Variants in COL23A1 observed in about 807,000 individuals in gnomAD.
COL23A1 encodes collagen type XXIII alpha 1 chain, also known as collagen alpha-1(XXIII) chain.
A neutral mutation model predicts 99.3 loss-of-function variants in COL23A1; 97 were observed. That is an observed-to-expected ratio of 0.98 (90% confidence interval 0.83 to 1.16). The LOEUF is 1.16. COL23A1 is among the 50% of genes most tolerant of loss of function. The pLI is 0.00. For synonymous variants in COL23A1, 320 were observed against 308.2 expected, an observed-to-expected ratio of 1.04 and a Z score of -0.40; for missense variants, 762 against 757.4, an observed-to-expected ratio of 1.01 and a Z score of -0.07.
intron 2 of COL23A1, among the ~76,000 whole-genome samples, chr5:178,483,637 G>C (rs1170929039): frequency 6.6e-6 from 1 of 152,212 alleles, no homozygotes; most frequent in Non-Finnish European, 1.5e-5. Context: ...GGCATGTTCA[G>C]AAAAGCTTCA....
rs972570028 is a variant in COL23A1 at position 178,468,473 on chromosome 5, G to GA, written c.361+92208_361+92209insT. ...GTCTCCTGTGGGCTAGACACTGCCT[G>GA]CAGGGCACGAGATGATTATTTCGTT... is the stretch of plus-strand genomic sequence containing the variant. On this transcript the variant is annotated intron_variant, in intron 2 of 28. Coordinates refer to ENST00000390654, the MANE Select transcript of COL23A1 (RefSeq NM_173465.4). The surrounding 1 kb of genome is among the most constrained non-coding windows in gnomAD (Gnocchi z 4.2). Among the ~76,000 whole-genome samples, 3 of 152,306 alleles carry GA rather than the reference G, an allele frequency of 2.0e-5. No individual in the cohort carries two copies. The highest frequency in any genetic ancestry group is 7.2e-5 in the African/African-American group (3 of 41,564).
chr5:178,473,376 C>T (rs1756861487), intron 2 of COL23A1, among the ~76,000 whole-genome samples: 1 of 151,720 alleles, frequency 6.6e-6, no homozygotes, highest in Non-Finnish European at 1.5e-5. Context: ...CTCACTGCAG[C>T]TTTGACCTCC....
chr5:178,311,499 T>C (rs1224728568), intron 2 of COL23A1, among the ~76,000 whole-genome samples: 1 of 9,942 alleles, frequency 1.0e-4, no homozygotes, highest in Non-Finnish European at 3.5e-4. Context: ...TGTGTGTGTG[T>C]GTGTGTGCGC....
chr5:178,287,097 G>A (rs955988625), intron 5 of COL23A1, among the ~76,000 whole-genome samples: 2 of 152,244 alleles, frequency 1.3e-5, no homozygotes, highest in Non-Finnish European at 2.9e-5. Context: ...ACGCCCAAAG[G>A]TCCGGGCTGC....
intron 5 of COL23A1, among the ~76,000 whole-genome samples, chr5:178,282,780 C>A (rs1289888130): frequency 2.0e-5 from 3 of 152,214 alleles, no homozygotes; most frequent in African/African-American, 7.2e-5. Context: ...GGGTGACAGT[C>A]TTTTCTTCTC....
At chr5:178,426,720 C>T (rs908984871) in intron 2 of COL23A1, among the ~76,000 whole-genome samples, 1 of 152,212 alleles carries the variant, frequency 6.6e-6, no homozygotes, top group Non-Finnish European at 1.5e-5. Context: ...AAAGGCACAT[C>T]TGATAAAGGA....
At chr5:178,563,720 C>T (rs748930700) in intron 1 of COL23A1, among the ~76,000 whole-genome samples, 9 of 151,708 alleles carry the variant, frequency 5.9e-5, no homozygotes, top group African/African-American at 1.2e-4. Context: ...TTTGTAGAGA[C>T]GGGGTTTCAC....
intron 2 of COL23A1, among the ~76,000 whole-genome samples, chr5:178,358,275 T>TGTATATGA (rs1761898770): frequency 6.7e-6 from 1 of 149,816 alleles, no homozygotes. Context: ...TGTGTATATG[T>TGTATATGA]GTGTATGCGT....
chr5:178,485,147 A>G (rs1757548875), intron 2 of COL23A1, among the ~76,000 whole-genome samples: 2 of 152,206 alleles, frequency 1.3e-5, no homozygotes, highest in Admixed American at 1.3e-4. Flanking sequence ...CATTCCAACA[A>G]TATGAAATTG....
chr5:178,362,528 C>T (rs1055204499), intron 2 of COL23A1, among the ~76,000 whole-genome samples: 2 of 152,208 alleles, frequency 1.3e-5, no homozygotes, highest in African/African-American at 4.8e-5. Flanking sequence ...TCTCAGTCCA[C>T]CTGGATTTGT....
At chr5:178,463,877 G>A (rs1270462423) in intron 2 of COL23A1, among the ~76,000 whole-genome samples, 1 of 152,190 alleles carries the variant, frequency 6.6e-6, no homozygotes, top group African/African-American at 2.4e-5. Context: ...ATACCAGGAG[G>A]CCTGCTGCTC....
At chr5:178,332,981 G>A (rs948677907) in intron 2 of COL23A1, among the ~76,000 whole-genome samples, 4 of 151,872 alleles carry the variant, frequency 2.6e-5, no homozygotes, top group South Asian at 4.1e-4. Context: ...TTTTTGAGAC[G>A]GAGTCTCACT....
intron 3 of COL23A1, among the ~76,000 whole-genome samples, chr5:178,296,375 G>C (rs771628865): frequency 1.3e-5 from 2 of 152,138 alleles, no homozygotes; most frequent in Non-Finnish European, 2.9e-5. Flanking sequence ...AACCTCACTA[G>C]GTGCATTTTA....
At chr5:178,249,979 GCACA>G in intron 18 of COL23A1, 78 bp downstream of exon 18, 1 of 1,426,792 alleles carries the variant, frequency 7.0e-7, no homozygotes, top group Non-Finnish European at 9.6e-7. Flanking sequence ...GTGCACACAT[GCACA>G]CGCACACACA....
intron 3 of COL23A1, among the ~76,000 whole-genome samples, chr5:178,300,452 C>T (rs1203789023): frequency 1.3e-5 from 2 of 152,182 alleles, no homozygotes; most frequent in African/African-American, 2.4e-5. Context: ...TGCCATCCTA[C>T]TGCCGTTTGG....
intron 2 of COL23A1, among the ~76,000 whole-genome samples, chr5:178,375,486 T>A (rs1391648740): frequency 6.6e-6 from 1 of 152,260 alleles, no homozygotes; most frequent in African/African-American, 2.4e-5. Context: ...TGCAATGACT[T>A]TCTGTCTCAC....
At chr5:178,476,749 C>T (rs998603052) in intron 2 of COL23A1, among the ~76,000 whole-genome samples, 11 of 152,246 alleles carry the variant, frequency 7.2e-5, no homozygotes, top group African/African-American at 2.4e-4. Flanking sequence ...AGATCAGAGA[C>T]AGTGCCAGGG....
chr5:178,322,294 C>T (rs1352022580), intron 2 of COL23A1, among the ~76,000 whole-genome samples: 5 of 152,092 alleles, frequency 3.3e-5, no homozygotes, highest in East Asian at 1.9e-4. Flanking sequence ...ACCTGGCCCA[C>T]GCCTATTTTT....
Position 178,449,744 on chromosome 5 carries a change from T to C in COL23A1, c.361+110938A>G, listed in dbSNP as rs138371875. Among the ~76,000 whole-genome samples the C allele has an allele frequency of 6.1e-4, 93 of 151,942 alleles. 2 individuals carry two copies. The East Asian group carries it at 0.017, about 28-fold the overall frequency. On this transcript the variant is annotated intron_variant, in intron 2 of 28. Coordinates refer to ENST00000390654, the MANE Select transcript of COL23A1 (RefSeq NM_173465.4). ...ACACAGCAGAGCTTTTGTTGTCTGG[T>C]CTCGTATGTTTCTGAGAAAATTATA...
Sources: gnomAD v4.1 joint callset for allele counts (sites outside exome capture counted in the v4.1 genomes callset) on GRCh38, gnomAD v4.1.1 for gene constraint, Gnocchi (gnomAD v3.1) non-coding constraint, MANE v1.5 for transcripts, NCBI Gene and HGNC (gene_info 2026-07-23, HGNC 2026-07-21) for gene names.